The following GSE1 variants were observed in gnomAD, a reference collection of about 807,000 sequenced individuals.
GSE1 encodes genetic suppressor element 1.
A neutral mutation model predicts 112.6 loss-of-function variants in GSE1; 32 were observed. That is an observed-to-expected ratio of 0.28 (90% CI 0.21 to 0.38). GSE1 has a LOEUF of 0.38. Among genes scored for constraint, GSE1 ranks in the 10% least tolerant of loss-of-function variants. The pLI is 1.00. For synonymous variants in GSE1, 1,115 were observed against 735.6 expected (o/e 1.52, Z -8.35); for missense variants, 2,348 against 1,699.2 (o/e 1.38, Z -6.71).
At chr16:85,305,743 C>T (rs1253233059) in intron 1 of GSE1, among the ~76,000 whole-genome samples, 4 of 152,066 alleles carry the variant, frequency 2.6e-5, no homozygotes, top group East Asian at 1.9e-4. Flanking sequence ...CCCAAAGTGT[C>T]GGGATTACAG....
chr16:85,379,064 G>A (rs997113994), intron 2 of GSE1, among the ~76,000 whole-genome samples: 5 of 152,212 alleles, frequency 3.3e-5, no homozygotes, highest in African/African-American at 1.2e-4. Flanking sequence ...CTCCCACAGA[G>A]CCGCTATGAC....
At chr16:85,624,503 A>G (rs993742271) in intron 1 of GSE1, among the ~76,000 whole-genome samples, 21 of 152,174 alleles carry the variant, frequency 1.4e-4, no homozygotes, top group Non-Finnish European at 2.9e-5. Flanking sequence ...TAGGGTGGGC[A>G]CCCAAACAGC....
At chr16:85,345,066 C>G (rs1216864776) in intron 1 of GSE1, among the ~76,000 whole-genome samples, 1 of 152,076 alleles carries the variant, frequency 6.6e-6, no homozygotes, top group South Asian at 2.1e-4. Context: ...CGGCGTACAC[C>G]GTGCCCCACC....
rs563023102 is a variant in GSE1, at chr16:85,571,693, G to T, written c.37+15330G>T. On this transcript the variant is annotated intron_variant, in intron 1 of 2. Coordinates refer to the GSE1 transcript ENST00000635906. Reference sequence around the variant, plus strand: ...TTTGACATTAAACACAGGAAGGACTGAGGGGGAGAAACAGGTCAGAGACTG... The same window carrying T: ...TTTGACATTAAACACAGGAAGGACTTAGGGGGAGAAACAGGTCAGAGACTG... 2.1e-3 allele frequency among the ~76,000 whole-genome samples: 322 copies of T among 152,304 alleles called. 1 individual carries two copies. Among genetic ancestry groups the T allele is most frequent in the Non-Finnish European group, 3.5e-3 (241 of 68,024 alleles).
At chr16:85,552,589 C>A (rs111615925), upstream of GSE1, among the ~76,000 whole-genome samples, 14,908 of 151,912 alleles carry the variant, frequency 0.098, 741 homozygotes, top group Middle Eastern at 0.16. Flanking sequence ...GTCTCGGCCT[C>A]CCAAAGTGCT....
At position 85,189,337 on chromosome 16, in the gene GSE1, A is replaced by T. The variant is rs79475410; in HGVS notation, c.2283+17530A>T. Reference sequence around the variant, plus strand: ...GTAAGCCCTGTTTCTCCAACTAGATAGAAAAAATAGCTAAAATTTGAATTT... The same window carrying T: ...GTAAGCCCTGTTTCTCCAACTAGATTGAAAAAATAGCTAAAATTTGAATTT... On this transcript the variant is annotated intron_variant, in intron 1 of 2. Coordinates refer to the GSE1 transcript ENST00000637419. Among the ~76,000 whole-genome samples the T allele has an allele frequency of 5.2e-4, 79 of 152,326 alleles. 1 individual carries two copies. The East Asian group carries it at 0.011, about 22-fold the overall frequency.
intron 2 of GSE1, among the ~76,000 whole-genome samples, chr16:85,494,423 T>C (rs572620904): frequency 6.6e-6 from 1 of 151,268 alleles, no homozygotes; most frequent in Admixed American, 6.6e-5. Flanking sequence ...TAATAACATC[T>C]GCAAAGATCC....
chr16:85,507,457 C>T (rs1366690103), intron 2 of GSE1, among the ~76,000 whole-genome samples: 6 of 152,234 alleles, frequency 3.9e-5, no homozygotes, highest in Non-Finnish European at 5.9e-5. Context: ...GTTACTCGCC[C>T]TTGCCCAGTG....
intron 2 of GSE1, among the ~76,000 whole-genome samples, chr16:85,445,896 G>A (rs2049498900): frequency 2.0e-5 from 3 of 152,246 alleles, no homozygotes; most frequent in Admixed American, 6.5e-5. Context: ...GTAACTGTGT[G>A]TCTTCAGGCG....
chr16:85,289,093 CA>C (rs2045128257), intron 1 of GSE1, among the ~76,000 whole-genome samples: 1 of 152,228 alleles, frequency 6.6e-6, no homozygotes, highest in Admixed American at 6.5e-5. Flanking sequence ...GCTCAAGGTT[CA>C]TTTTATCTTC....
At chr16:85,629,156 C>T (rs528707466) in intron 1 of GSE1, among the ~76,000 whole-genome samples, 1 of 152,204 alleles carries the variant, frequency 6.6e-6, no homozygotes, top group Admixed American at 6.5e-5. Flanking sequence ...GAAGCAGATG[C>T]CAGCACCACG....
chr16:85,613,427 G>T (rs1027695374), intron 1 of GSE1, 29 bp downstream of exon 1: 2 of 1,543,196 alleles, frequency 1.3e-6, no homozygotes, highest in African/African-American at 2.8e-5. Context: ...GCCGGGGACG[G>T]GGTCCTCCCC....
intron 2 of GSE1, among the ~76,000 whole-genome samples, chr16:85,429,249 G>A (rs1033997607): frequency 1.6e-4 from 25 of 152,324 alleles, no homozygotes; most frequent in Middle Eastern, 3.4e-3. Flanking sequence ...CAGGATGCCC[G>A]GCAATGCCAG....
intron 1 of GSE1, among the ~76,000 whole-genome samples, chr16:85,265,570 C>T (rs542397661): frequency 8.5e-5 from 13 of 152,290 alleles, no homozygotes; most frequent in Non-Finnish European, 1.5e-4. Context: ...CTCCTCATCT[C>T]GGGCATAACC....
upstream of GSE1, among the ~76,000 whole-genome samples, chr16:85,554,417 C>G (rs951594336): frequency 6.6e-6 from 1 of 152,130 alleles, no homozygotes; most frequent in Non-Finnish European, 1.5e-5. Flanking sequence ...ATGGTGCAGC[C>G]GGGGCTTGCA....
intron 2 of GSE1, among the ~76,000 whole-genome samples, chr16:85,399,677 A>G (rs1284459940): frequency 1.3e-5 from 2 of 152,188 alleles, no homozygotes; most frequent in African/African-American, 4.8e-5. Context: ...CTGTGTGCCA[A>G]TCACTGCCGT....
intron 1 of GSE1, among the ~76,000 whole-genome samples, chr16:85,561,683 T>G (rs932269358): frequency 6.6e-6 from 1 of 152,248 alleles, no homozygotes; most frequent in African/African-American, 2.4e-5. Context: ...CGGCCCCAGC[T>G]GCCCCCGGAG....
At chr16:85,297,038 A>C (rs1398213843) in intron 1 of GSE1, among the ~76,000 whole-genome samples, 1 of 152,074 alleles carries the variant, frequency 6.6e-6, no homozygotes, top group Non-Finnish European at 1.5e-5. Flanking sequence ...GGGCTTGGGA[A>C]GTCCCAAGCC....
chr16:85,649,892 G>A (rs1298747051), intron 3 of GSE1, among the ~76,000 whole-genome samples: 1 of 152,188 alleles, frequency 6.6e-6, no homozygotes, highest in African/African-American at 2.4e-5. Flanking sequence ...CCCCAGAGGT[G>A]TGGGAAGGGA....
Sources: gnomAD v4.1 joint callset for allele counts (sites outside exome capture counted in the v4.1 genomes callset) on GRCh38, gnomAD v4.1.1 for gene constraint, MANE v1.5 for transcripts, NCBI Gene and HGNC (gene_info 2026-07-23, HGNC 2026-07-21) for gene names.